Variants in MIER3 observed in about 807,000 individuals in gnomAD.
MIER3 encodes mesoderm induction early response protein 3.
A neutral mutation model predicts 63.2 loss-of-function variants in MIER3; 9 were observed. The observed-to-expected ratio is 0.14, with a 90% confidence interval of 0.09 to 0.25. The LOEUF (loss-of-function observed/expected upper bound fraction) is 0.25, where lower values mean the gene tolerates loss of function less well. MIER3 is among the 10% of genes least tolerant of loss of function. MIER3 has a pLI of 1.00. For missense variants in MIER3, 512 were observed against 666.2 expected (o/e 0.77, Z 2.55); for synonymous variants, 205 against 224.9 (o/e 0.91, Z 0.79).
At position 56,934,975 on chromosome 5, in the gene MIER3, G is replaced by C. The variant is rs1273434958; in HGVS notation, c.595+453C>G. 2.2e-4 allele frequency among the ~76,000 whole-genome samples: 34 copies of C among 152,222 alleles called. 1 individual carries two copies. Among genetic ancestry groups the C allele is most frequent in the Admixed American group, 2.2e-3 (34 of 15,292 alleles). ...CATAATTAGGAGTATACAAGTGAAA[G>C]CAGATCCTTACATTTCACTTCCTGC... is the stretch of plus-strand genomic sequence containing the variant. On this transcript the variant is annotated intron_variant, in intron 7 of 12. Transcript: ENST00000381199.
rs1406232228 is a variant in MIER3 at position 56,920,119 on chromosome 5, C to A, written c.*3009G>T. 6.6e-6 allele frequency: 1 copy of A among 152,488 alleles called. No homozygotes were observed. The highest frequency in any genetic ancestry group is 1.9e-4 in the East Asian group (1 of 5,204). The allele number at this position is 152,488 out of a possible 1,614,324, so 9.4% of individuals were successfully genotyped here. On this transcript the variant is annotated 3_prime_UTR_variant, in exon 13 of 13. Transcript: ENST00000381199. ...TCTGATGTTCTCAAATATTTATGAG[C>A]CTCAACATTTTAAAAATTAAAAAGG... is the stretch of plus-strand genomic sequence containing the variant.
intron 3 of MIER3, among the ~76,000 whole-genome samples, chr5:56,943,357 A>C (rs1750717722): frequency 6.6e-6 from 1 of 152,058 alleles, no homozygotes; most frequent in Admixed American, 6.5e-5. Flanking sequence ...AGGTAGAAGA[A>C]TAAATTGAGG....
Position 56,928,784 on chromosome 5 carries a change from G to A in MIER3, c.907C>T (p.Leu303Phe). 6.2e-7 allele frequency: 1 copy of A among 1,612,544 alleles called. No individual in the cohort carries two copies. Among genetic ancestry groups the A allele is most frequent in the Non-Finnish European group, 8.5e-7 (1 of 1,178,892 alleles). ...ALMLFGKDFH[L>F]IQKNKVRTRT... ...TAATTTACCTTATTCTTCTGTATAA[G>A]ATGAAAATCTTTTCCAAAAAGCATG... Residue 303 changes from leucine (L) to phenylalanine (F), a missense_variant, in exon 10 of 13, where the codon CTT (leucine) becomes TTT (phenylalanine). Around this residue, in one of 5 missense-constraint regions of MIER3, gnomAD observed 34 missense variants for 86.3 expected, o/e 0.39. Transcript: ENST00000381199.
At chr5:56,945,696 G>A (rs1418767530) in intron 3 of MIER3, among the ~76,000 whole-genome samples, 1 of 151,776 alleles carries the variant, frequency 6.6e-6, no homozygotes, top group Admixed American at 6.6e-5. Context: ...CCAAAATATG[G>A]GCCACATTAC....
At chr5:56,928,521 TA>T in intron 10 of MIER3, 1 of 293,894 alleles carries the variant, frequency 3.4e-6, no homozygotes, top group Non-Finnish European at 6.3e-6. Context: ...TGAGACTTCC[TA>T]AAAAATACAG....
At chr5:56,937,233 A>G (rs1750478680) in intron 5 of MIER3, among the ~76,000 whole-genome samples, 2 of 151,948 alleles carry the variant, frequency 1.3e-5, no homozygotes, top group Non-Finnish European at 2.9e-5. Context: ...ATGCCACCAC[A>G]CCTGGCTAAT....
intron 9 of MIER3, 144 bp from the exon 10 acceptor site, chr5:56,929,005 A>ACACACACACACACTCT (rs777014337): frequency 3.9e-6 from 2 of 510,948 alleles, no homozygotes; most frequent in African/African-American, 2.0e-5. Flanking sequence ...ACACACACAC[A>ACACACACACACACTCT]CTCTCTCTCT....
At position 56,930,673 on chromosome 5, in the gene MIER3, C is replaced by T. The variant is rs1460157842; in HGVS notation, c.820G>A (p.Ala274Thr). Reference protein sequence around the residue: ...AIERYCCNGKASQEGMTAWTE... With the variant: ...AIERYCCNGKTSQEGMTAWTE... ...CCCAAGTGTTTCTTACCTTGAGAGG[C>T]CTTTCCATTGCAGCAGTATCTTTCG... Residue 274 changes from alanine (A) to threonine (T), a missense_variant, in exon 9 of 13, where the codon GCC becomes ACC. Transcript: ENST00000381199. 3.1e-6 allele frequency: 5 copies of T among 1,613,644 alleles called. No homozygotes were observed. In the South Asian group the frequency reaches 5.5e-5, roughly 18 times the overall value.
At chr5:56,952,185 C>A (rs1451719593), upstream of MIER3, 46 of 1,101,048 alleles carry the variant, frequency 4.2e-5, no homozygotes, top group Non-Finnish European at 5.1e-5. Flanking sequence ...GCCGCCGCCA[C>A]CGCCGCGGTC....
In MIER3 at chr5:56,935,700, G is replaced by A. The variant is rs937753945; in HGVS notation, c.488C>T (p.Thr163Ile). The change falls in exon 6 of 13, where the codon ACA becomes ATA. Residue 163 changes from threonine to isoleucine, a missense_variant. Coordinates refer to ENST00000381199, the MANE Select transcript of MIER3 (RefSeq NM_001297599.2). Reference protein sequence around the residue: ...DKESEVEDVETDSGNSPEDLR... With the variant: ...DKESEVEDVEIDSGNSPEDLR... ...ATCTTCAGGTGAATTACCACTGTCT[G>A]TTTCAACATCTTCAACCTCTGATTC... 6.2e-7 allele frequency: 1 copy of A among 1,613,956 alleles called. No individual in the cohort carries two copies. Among genetic ancestry groups the A allele is most frequent in the African/African-American group, 1.3e-5 (1 of 74,924 alleles).
intron 10 of MIER3, chr5:56,925,668 T>C: frequency 6.0e-6 from 1 of 167,772 alleles, no homozygotes; most frequent in Non-Finnish European, 1.3e-5. Context: ...TGTTAAGACG[T>C]CAGTTCTTCC....
intron 3 of MIER3, chr5:56,941,506 T>C (rs2112131718): frequency 6.6e-6 from 1 of 150,784 alleles, no homozygotes; most frequent in East Asian, 1.9e-4. Context: ...CCATGAAGAG[T>C]ATTCCAGGCA....
chr5:56,928,967 TCTC>T (rs1750140686), intron 9 of MIER3, 106 bp from the exon 10 acceptor site: 7 of 328,416 alleles, frequency 2.1e-5, no homozygotes, highest in Non-Finnish European at 4.3e-5. Context: ...TCTCTCTCTC[TCTC>T]ACACACACAC....
chr5:56,950,907 G>C (rs557836153), intron 1 of MIER3, among the ~76,000 whole-genome samples: 1 of 152,162 alleles, frequency 6.6e-6, no homozygotes, highest in Admixed American at 6.5e-5. Flanking sequence ...ACTCCAAGTC[G>C]CTTCTTGGAG....
chr5:56,938,665 A>T, intron 4 of MIER3: 1 of 546,260 alleles, frequency 1.8e-6, no homozygotes, highest in Non-Finnish European at 3.2e-6. Context: ...ACATTATGGG[A>T]GAATATTCAG....
At chr5:56,947,536 C>T (rs1750867360) in intron 2 of MIER3, among the ~76,000 whole-genome samples, 1 of 152,144 alleles carries the variant, frequency 6.6e-6, no homozygotes, top group Non-Finnish European at 1.5e-5. Context: ...TTCTAACCCT[C>T]AAATAAAGAC....
chr5:56,952,203 C>G (rs1579872808), upstream of MIER3: 1 of 1,026,218 alleles, frequency 9.7e-7, no homozygotes, highest in Non-Finnish European at 1.2e-6. Flanking sequence ...GTCCGCCCGG[C>G]ACCCGCCCGG....
intron 3 of MIER3, among the ~76,000 whole-genome samples, chr5:56,939,967 T>C (rs1750586383): frequency 6.6e-6 from 1 of 152,222 alleles, no homozygotes; most frequent in Non-Finnish European, 1.5e-5. Flanking sequence ...TAATGACGCC[T>C]TTTTCAGAAT....
intron 2 of MIER3, among the ~76,000 whole-genome samples, chr5:56,947,872 G>A (rs1047347784): frequency 1.3e-5 from 2 of 152,056 alleles, no homozygotes; most frequent in Non-Finnish European, 2.9e-5. Flanking sequence ...AAGTCAATAG[G>A]AAACTCCAAA....
Sources: gnomAD v4.1 joint callset for allele counts (sites outside exome capture counted in the v4.1 genomes callset) on GRCh38, gnomAD v4.1.1 for gene constraint, gnomAD v4.1.1 regional missense constraint, MANE v1.5 for transcripts, NCBI Gene and HGNC (gene_info 2026-07-23, HGNC 2026-07-21) for gene names.